Variants in LIG1 observed in about 807,000 individuals in gnomAD.
LIG1 encodes ligase I, DNA, ATP-dependent.
In LIG1, 70 loss-of-function variants were observed where a neutral mutation model predicts 115.7. The observed-to-expected ratio is 0.60, with a 90% CI of 0.50 to 0.74. The LOEUF (loss-of-function observed/expected upper bound fraction) is 0.74, where lower values mean the gene tolerates loss of function less well. LIG1 is among the 30% of genes least tolerant of loss of function. The pLI, the probability that LIG1 is intolerant of heterozygous loss-of-function variation, is 0.00. For missense variants in LIG1, 1,115 were observed against 1,225.6 expected, an observed-to-expected ratio of 0.91 and a Z score of 1.35; for synonymous variants, 487 against 495.3, an observed-to-expected ratio of 0.98 and a Z score of 0.22.
chr19:48,133,109 G>A lies in LIG1; in HGVS notation c.1610-12C>T, dbSNP rs981222982. 3.8e-6 allele frequency: 6 copies of A among 1,559,738 alleles called. No homozygotes were observed. The highest frequency in any genetic ancestry group is 5.3e-6 in the Non-Finnish European group (6 of 1,130,486). ...TTTCAGGGGAATCCCTGGGAAAGGAGGAGAGTGAGTTAGAGGAGAGGGAAG... is the reference window on the plus strand; with the variant it reads ...TTTCAGGGGAATCCCTGGGAAAGGAAGAGAGTGAGTTAGAGGAGAGGGAAG... On this transcript the variant is annotated splice_polypyrimidine_tract_variant and intron_variant, in intron 17 of 27. Transcript: ENST00000263274.
chr19:48,155,947 T>A lies in LIG1; in HGVS notation c.370+1067A>T, dbSNP rs535304397. 1.4e-4 allele frequency among the ~76,000 whole-genome samples: 22 copies of A among 152,280 alleles called. No homozygotes were observed. In the South Asian group the frequency reaches 4.6e-3, roughly 32 times the overall value. On this transcript the variant is annotated intron_variant, in intron 5 of 27. Coordinates refer to ENST00000263274, the MANE Select transcript of LIG1 (RefSeq NM_000234.3). ...AAGGATCTAACATGAAAGATTCAGC[T>A]CCCCTGTCACACTCACCACGCTAAA...
Position 48,137,652 on chromosome 19 carries a change from T to G in LIG1, c.1124A>C (p.Glu375Ala). ...GGCCACCAGCCCCACGTCGCCTTTC[T>G]CGGCTGCCTCAGCCCGGACGGACTC... Reference protein sequence around the residue: ...QLESVRAEAAEKGDVGLVAEN... With the variant: ...QLESVRAEAAAKGDVGLVAEN... Residue 375 changes from glutamate to alanine, a missense_variant, in exon 13 of 28, where the codon GAG (glutamate) becomes GCG (alanine). Transcript: ENST00000263274. The surrounding 1 kb of genome is among the most constrained non-coding windows in gnomAD (Gnocchi z 4.3). 6.2e-7 allele frequency: 1 copy of G among 1,608,232 alleles called. No homozygotes were observed. Among genetic ancestry groups the G allele is most frequent in the East Asian group, 2.2e-5 (1 of 44,860 alleles).
chr19:48,157,365 C>T (rs994152798), intron 4 of LIG1, among the ~76,000 whole-genome samples: 3 of 152,124 alleles, frequency 2.0e-5, no homozygotes, highest in Admixed American at 6.5e-5. Flanking sequence ...CTGTTTTCTA[C>T]AGTAACAGAA....
chr19:48,117,112 G>C (rs528007049), intron 26 of LIG1, among the ~76,000 whole-genome samples: 1 of 151,792 alleles, frequency 6.6e-6, no homozygotes, highest in African/African-American at 2.4e-5. Flanking sequence ...GGGATTACAG[G>C]CATGAGCCAC....
rs1198768565 is a variant in LIG1 at position 48,151,353 on chromosome 19, G to A, written c.467-14C>T. 2.6e-6 allele frequency: 4 copies of A among 1,547,972 alleles called. No individual in the cohort carries two copies. The highest frequency in any genetic ancestry group is 2.3e-5 in the East Asian group (1 of 44,408). ...GGGTCTCCTCTTCTGACGATAGACA[G>A]AACGGTCAGATGGCAAAAAAATCCC... On this transcript the variant is annotated splice_polypyrimidine_tract_variant and intron_variant, in intron 6 of 27. Coordinates refer to ENST00000263274, the MANE Select transcript of LIG1 (RefSeq NM_000234.3).
At chr19:48,147,746 T>C (rs1412261691) in intron 9 of LIG1, among the ~76,000 whole-genome samples, 1 of 152,044 alleles carries the variant, frequency 6.6e-6, no homozygotes. Context: ...CTCAGGCACC[T>C]AAAATCCAGT....
At chr19:48,135,922 C>G (rs1470066250) in intron 15 of LIG1, 112 bp downstream of exon 15, 5 of 977,806 alleles carry the variant, frequency 5.1e-6, no homozygotes, top group South Asian at 1.4e-5. Context: ...AGAGAGGAGC[C>G]TGGTATGGCA....
intron 5 of LIG1, among the ~76,000 whole-genome samples, chr19:48,154,968 C>T (rs1384740881): frequency 1.3e-5 from 2 of 152,194 alleles, no homozygotes; most frequent in Non-Finnish European, 2.9e-5. Flanking sequence ...TCTTTTATAT[C>T]ACTGCTAAAC....
Position 48,162,272 on chromosome 19 carries a change from G to T in LIG1, c.97C>A (p.Pro33Thr). The change falls in exon 3 of 28, where the codon CCC (proline) becomes ACC (threonine). Residue 33 changes from proline to threonine, a missense_variant. Pro to Thr is a conservative substitution (Grantham distance 38). Transcript: ENST00000263274. ...EASNSSRETEPPPKAALKEWN... is the reference protein window; with the variant it reads ...EASNSSRETETPPKAALKEWN... ...AGCCCTGTGACATACTTTGGAGGGG[G>T]CTCCGTCTCTCTGCTGCTATTGGAT... 2 of 1,612,976 alleles carry T rather than the reference G, an allele frequency of 1.2e-6. No individual in the cohort carries two copies. Among genetic ancestry groups the T allele is most frequent in the East Asian group, 2.2e-5 (1 of 44,862 alleles).
At position 48,143,705 on chromosome 19, in the gene LIG1, C is replaced by A; in HGVS notation, c.858-106G>T. On this transcript the variant is annotated intron_variant, in intron 10 of 27. Coordinates refer to ENST00000263274, the MANE Select transcript of LIG1 (RefSeq NM_000234.3). The stretch of plus-strand genomic sequence containing the variant: ...CCTCCTCGGGACACCCTTGCCAATA[C>A]CCAAATGCATGAGCTCACTTCCCAG... 2.6e-6 allele frequency: 3 copies of A among 1,141,088 alleles called. No homozygotes were observed. In the South Asian group the frequency reaches 3.7e-5, roughly 14 times the overall value. 70.7% of individuals were successfully genotyped at this position (1,141,088 alleles called of 1,614,324 possible). A position where few individuals can be genotyped will look rare whatever the true frequency, so the allele number is the denominator to read the frequency against.
intron 21 of LIG1, among the ~76,000 whole-genome samples, chr19:48,126,066 T>A (rs549872032): frequency 6.6e-6 from 1 of 151,622 alleles, no homozygotes; most frequent in East Asian, 2.0e-4. Flanking sequence ...ATGTACTAAC[T>A]ACTGAGTTCC....
chr19:48,122,625 T>C lies in LIG1; in HGVS notation c.2232+309A>G, dbSNP rs1421068639. Among the ~76,000 whole-genome samples the C allele has an allele frequency of 6.6e-6, 1 of 152,236 alleles. No homozygotes were observed. Among genetic ancestry groups the C allele is most frequent in the Non-Finnish European group, 1.5e-5 (1 of 68,040 alleles). Reference sequence around the variant, plus strand: ...GCCTGACTTTCTCTTATTCATGTCCTGGCTTAATTCCTGCCCAAGAGCCTG... The same window carrying C: ...GCCTGACTTTCTCTTATTCATGTCCCGGCTTAATTCCTGCCCAAGAGCCTG... On this transcript the variant is annotated intron_variant, in intron 23 of 27. Transcript: ENST00000263274. This position sits in a 1 kb window ranked among gnomAD's most constrained non-coding sequence, Gnocchi z 4.3.
At position 48,121,334 on chromosome 19, in the gene LIG1, G is replaced by A. The variant is rs773831672; in HGVS notation, c.2233-12C>T. 3 of 1,590,946 alleles carry A rather than the reference G, an allele frequency of 1.9e-6. No homozygotes were observed. Among genetic ancestry groups the A allele is most frequent in the Non-Finnish European group, 2.6e-6 (3 of 1,165,412 alleles). ...TAGTCCTTCTTCAGCTGGGAGAAGG[G>A]GAGGCAAGAGATGAGAAGGGGGAGC... On this transcript the variant is annotated splice_polypyrimidine_tract_variant and intron_variant, in intron 23 of 27. Coordinates refer to ENST00000263274, the MANE Select transcript of LIG1 (RefSeq NM_000234.3).
At position 48,115,684 on chromosome 19, in the gene LIG1, C is replaced by T. The variant is rs144236881; in HGVS notation, c.2725G>A (p.Glu909Lys). ...TCTTCAGGGTCAGAGCCTGAGTCCT[C>T]GCCTTGTTGGTTCTGAATCTGACTT... ...KQSQIQNQQG[E>K]DSGSDPEDTY Residue 909 changes from glutamate to lysine, a missense_variant, in exon 28 of 28, where the codon GAG becomes AAG. Physicochemically the swap from Glu to Lys is moderately conservative, Grantham distance 56. Coordinates refer to ENST00000263274, the MANE Select transcript of LIG1 (RefSeq NM_000234.3). The T allele has an allele frequency of 3.7e-5, 59 of 1,614,154 alleles. No individual in the cohort carries two copies. In the African/African-American group the frequency reaches 7.3e-4, roughly 20 times the overall value.
At chr19:48,151,710 T>G (rs929448938) in intron 6 of LIG1, among the ~76,000 whole-genome samples, 1 of 152,074 alleles carries the variant, frequency 6.6e-6, no homozygotes, top group Non-Finnish European at 1.5e-5. Context: ...GTCTTACAGT[T>G]CTATCTTGTG....
At chr19:48,151,416 C>T in intron 6 of LIG1, 77 bp from the exon 7 acceptor site, 1 of 872,998 alleles carries the variant, frequency 1.1e-6, no homozygotes, top group Admixed American at 1.7e-5. Context: ...TGGAGACAGT[C>T]TGCCCTCATC....
At chr19:48,135,582 T>A in intron 16 of LIG1, 98 bp downstream of exon 16, 1 of 947,948 alleles carries the variant, frequency 1.1e-6, no homozygotes, top group Non-Finnish European at 1.7e-6. Flanking sequence ...TGCCTGTCCG[T>A]CACTTCACTG....
chr19:48,155,974 C>T (rs1353757511), intron 5 of LIG1, among the ~76,000 whole-genome samples: 4 of 152,200 alleles, frequency 2.6e-5, no homozygotes, highest in South Asian at 2.1e-4. Context: ...CACGCTAAAG[C>T]GCTCAATAGG....
At chr19:48,128,826 G>A (rs1301638411) in intron 19 of LIG1, among the ~76,000 whole-genome samples, 20 of 152,168 alleles carry the variant, frequency 1.3e-4, no homozygotes, top group African/African-American at 4.1e-4. Flanking sequence ...GCAGTGGTGC[G>A]ATCTTGGCTC....
Sources: allele counts gnomAD v4.1 joint callset (sites outside exome capture counted in the v4.1 genomes callset), GRCh38; gene constraint gnomAD v4.1.1; non-coding constraint Gnocchi (gnomAD v3.1); transcripts MANE v1.5; gene names NCBI Gene and HGNC (gene_info 2026-07-23, HGNC 2026-07-21).